The following PI4KA variants were observed in gnomAD, a reference collection of about 807,000 sequenced individuals.
PI4KA encodes the protein phosphatidylinositol 4-kinase alpha.
PI4KA carries 122 observed loss-of-function variants against 271.4 expected under a neutral mutation model. That is an observed-to-expected ratio of 0.45 (90% CI 0.39 to 0.52). The LOEUF (loss-of-function observed/expected upper bound fraction) is 0.52, where lower values mean the gene tolerates loss of function less well. Among genes scored for constraint, PI4KA ranks in the 20% least tolerant of loss-of-function variants. The pLI is 0.00. For missense variants in PI4KA, 1,969 were observed against 2,769.1 expected, an observed-to-expected ratio of 0.71 and a Z score of 6.48; for synonymous variants, 1,041 against 1,078.8, an observed-to-expected ratio of 0.96 and a Z score of 0.69.
chr22:20,838,702 C>T lies in PI4KA; in HGVS notation c.186G>A (p.Val62=). ...CTAACTGGAAGATCCCATGGAAATC[C>T]ACTGGACACATGCAAAGAAGCTTTT... ...KVQKLLCMCP[V]DFHGIFQLDE... The change falls in exon 2 of 55, where the codon GTG becomes GTA. Residue 62 remains valine (V), a synonymous_variant. Transcript: ENST00000255882. 6.2e-7 allele frequency: 1 copy of T among 1,612,700 alleles called. No individual in the cohort carries two copies. The highest frequency in any genetic ancestry group is 8.5e-7 in the Non-Finnish European group (1 of 1,178,786).
chr22:20,713,218 C>A (rs1281467677), intron 48 of PI4KA, 63 bp downstream of exon 48: 23 of 1,165,724 alleles, frequency 2.0e-5, no homozygotes, highest in Middle Eastern at 2.3e-4. Flanking sequence ...CTCTGGCGGG[C>A]CTGGAGCCTT....
intron 45 of PI4KA, among the ~76,000 whole-genome samples, chr22:20,716,093 C>A (rs533972037): frequency 6.6e-6 from 1 of 152,122 alleles, no homozygotes; most frequent in Non-Finnish European, 1.5e-5. Flanking sequence ...CACTGTCATC[C>A]AGGCTGGAGC....
chr22:20,785,214 C>T (rs573411816), intron 19 of PI4KA, among the ~76,000 whole-genome samples: 2 of 152,082 alleles, frequency 1.3e-5, no homozygotes, highest in Non-Finnish European at 1.5e-5. Context: ...AGACTACAGG[C>T]GTGCACCTTC....
rs760667123 is a variant in PI4KA at position 20,779,200 on chromosome 22, T to C, written c.2329-13507A>G. On this transcript the variant is annotated intron_variant, in intron 19 of 54. Coordinates refer to ENST00000255882, the MANE Select transcript of PI4KA (RefSeq NM_058004.4). ...AAGAACTAATGCTGTGAGGGCCTCTTCCTGGGTCAAAGCCACAGGGAACCT... is the reference window on the plus strand; with the variant it reads ...AAGAACTAATGCTGTGAGGGCCTCTCCCTGGGTCAAAGCCACAGGGAACCT... 3.8e-5 allele frequency: 60 copies of C among 1,595,968 alleles called. 1 individual carries two copies. In the Middle Eastern group the frequency reaches 1.2e-3, roughly 31 times the overall value.
At chr22:20,804,903 G>A in intron 11 of PI4KA, 71 bp downstream of exon 11, 1 of 1,289,952 alleles carries the variant, frequency 7.8e-7, no homozygotes, top group African/African-American at 1.5e-5. Context: ...AGTAGTTTGG[G>A]GAAACTTGTG....
At chr22:20,779,686 G>A (rs764489942) in intron 19 of PI4KA, 30 of 1,614,100 alleles carry the variant, frequency 1.9e-5, no homozygotes, top group South Asian at 7.7e-5. Context: ...CGGATCCAGC[G>A]TCTTAACATC....
chr22:20,723,114 G>A (rs34732190), intron 42 of PI4KA, among the ~76,000 whole-genome samples: 4,598 of 150,908 alleles, frequency 0.03, 83 homozygotes, highest in Non-Finnish European at 0.048. Context: ...TCCGCCTCCC[G>A]GGTTCACGCC....
At chr22:20,740,317 A>G (rs1014062684) in intron 32 of PI4KA, among the ~76,000 whole-genome samples, 1 of 151,622 alleles carries the variant, frequency 6.6e-6, no homozygotes, top group Non-Finnish European at 1.5e-5. Context: ...AAAAACTGAA[A>G]AAGACTACAG....
chr22:20,774,682 A>ACCCGGGAGGCAGAGGTTGCAGTGAGCGG (rs1933111684), intron 19 of PI4KA, among the ~76,000 whole-genome samples: 1 of 151,318 alleles, frequency 6.6e-6, no homozygotes, highest in Non-Finnish European at 1.5e-5. Flanking sequence ...AATCGCTTAA[A>ACCCGGGAGGCAGAGGTTGCAGTGAGCGG]CCCGGGAGGC....
chr22:20,849,679 C>G (rs1410593815), intron 1 of PI4KA, among the ~76,000 whole-genome samples: 1 of 151,922 alleles, frequency 6.6e-6, no homozygotes, highest in Non-Finnish European at 1.5e-5. Context: ...ACGATGAAAC[C>G]CTGCCTCTAC....
chr22:20,831,323 TTG>T (rs1288791184), intron 3 of PI4KA, among the ~76,000 whole-genome samples: 1 of 152,108 alleles, frequency 6.6e-6, no homozygotes, highest in East Asian at 1.9e-4. Flanking sequence ...CCCAGCACCT[TTG>T]TGAGGCTGAG....
intron 19 of PI4KA, chr22:20,779,849 G>A (rs369334872): frequency 2.5e-5 from 40 of 1,614,050 alleles, no homozygotes; most frequent in Non-Finnish European, 3.1e-5. Context: ...AAGTGCACTC[G>A]ATTTTGCATT....
At chr22:20,749,559 G>A (rs1401780634) in intron 28 of PI4KA, among the ~76,000 whole-genome samples, 1 of 152,258 alleles carries the variant, frequency 6.6e-6, no homozygotes, top group Non-Finnish European at 1.5e-5. Context: ...ACAGGTGCCA[G>A]CAATGCACTT....
At chr22:20,743,627 T>C (rs1929720528) in intron 30 of PI4KA, among the ~76,000 whole-genome samples, 1 of 152,164 alleles carries the variant, frequency 6.6e-6, no homozygotes, top group African/African-American at 2.4e-5. Context: ...GGCCAACCTA[T>C]CTATTTTTAA....
At chr22:20,718,671 G>C in intron 44 of PI4KA, 22 bp downstream of exon 44, 1 of 1,612,340 alleles carries the variant, frequency 6.2e-7, no homozygotes, top group Non-Finnish European at 8.5e-7. Context: ...CCAGAAGGTG[G>C]TTTCTGAAGC....
Position 20,804,947 on chromosome 22 carries a change from CAT to C in PI4KA, c.1360+25_1360+26del, listed in dbSNP as rs752571598. On this transcript the variant is annotated intron_variant, in intron 11 of 54. Transcript: ENST00000255882. ...GCCTCTGGGTCATGCCTGGAGCTCA[CAT>C]GAGAGGCAAGGCAGTCTGTCTCACC... The C allele has an allele frequency of 7.6e-6, 12 of 1,573,128 alleles. No homozygotes were observed. The East Asian group carries it at 1.8e-4, about 24-fold the overall frequency.
In PI4KA at chr22:20,751,381, A is replaced by C; in HGVS notation, c.3070-5T>G. 19 of 1,612,588 alleles carry C rather than the reference A, an allele frequency of 1.2e-5. No homozygotes were observed. Among genetic ancestry groups the C allele is most frequent in the Non-Finnish European group, 1.6e-5 (19 of 1,179,050 alleles). ...AGGCTGATCCTTGTGAATATCCTGC[A>C]AGCACAGCAAGACTCCCTCTTCCAA... is the stretch of plus-strand genomic sequence containing the variant. On this transcript the variant is annotated splice_region_variant and splice_polypyrimidine_tract_variant and intron_variant, in intron 26 of 54. Transcript: ENST00000255882.
At chr22:20,814,779 G>T (rs746555285) in intron 7 of PI4KA, among the ~76,000 whole-genome samples, 1 of 150,962 alleles carries the variant, frequency 6.6e-6, no homozygotes, top group African/African-American at 2.4e-5. Flanking sequence ...CAAATTTTAT[G>T]TTATGTGTAT....
intron 26 of PI4KA, 72 bp from the exon 27 acceptor site, chr22:20,751,448 C>T: frequency 1.6e-6 from 2 of 1,273,206 alleles, no homozygotes; most frequent in South Asian, 1.3e-5. Flanking sequence ...CATGGGCCAC[C>T]CCTACCCACC....
Sources: allele counts gnomAD v4.1 joint callset (sites outside exome capture counted in the v4.1 genomes callset), GRCh38; gene constraint gnomAD v4.1.1; transcripts MANE v1.5; gene names NCBI Gene and HGNC (gene_info 2026-07-23, HGNC 2026-07-21).